The following PIGN variants were observed in gnomAD, a reference collection of about 807,000 sequenced individuals.
The protein encoded by PIGN is GPI ethanolamine phosphate transferase 1.
In PIGN, 117 loss-of-function variants were observed where a neutral mutation model predicts 125.4. The ratio of observed to expected loss-of-function variants is 0.93; its 90% CI spans 0.80 to 1.09. The LOEUF (loss-of-function observed/expected upper bound fraction) is 1.09, where lower values mean the gene tolerates loss of function less well. Among genes scored for constraint, PIGN ranks in the 50% least tolerant of loss-of-function variants. PIGN has a pLI of 0.00. For missense variants in PIGN, 1,075 were observed against 1,094.9 expected (o/e 0.98, Z 0.26); for synonymous variants, 392 against 377.8 (o/e 1.04, Z -0.44).
At chr18:62,103,292 T>C (rs1014957869) in intron 20 of PIGN, among the ~76,000 whole-genome samples, 10 of 152,136 alleles carry the variant, frequency 6.6e-5, no homozygotes, top group Admixed American at 5.2e-4. Context: ...ATTATCAGTA[T>C]CTACAACATG....
intron 22 of PIGN, among the ~76,000 whole-genome samples, chr18:62,097,604 T>G (rs140080938): frequency 0.021 from 3,188 of 152,276 alleles, 57 homozygotes; most frequent in Admixed American, 0.042. Flanking sequence ...TATTTTCTAA[T>G]GAAATAAAAG....
intron 23 of PIGN, among the ~76,000 whole-genome samples, chr18:62,028,023 C>T (rs750037545): frequency 5.3e-5 from 8 of 152,202 alleles, no homozygotes; most frequent in Non-Finnish European, 1.0e-4. Flanking sequence ...CAGTGCATTC[C>T]AATATCACCA....
intron 3 of PIGN, 134 bp from the exon 4 acceptor site, chr18:62,161,519 G>T: frequency 1.9e-6 from 1 of 534,352 alleles, no homozygotes; most frequent in Non-Finnish European, 3.3e-6. Flanking sequence ...ACTTTCATTT[G>T]TGGTGGTAAC....
intron 30 of PIGN, among the ~76,000 whole-genome samples, chr18:62,047,338 C>T (rs888112640): frequency 2.6e-5 from 4 of 152,070 alleles, no homozygotes; most frequent in African/African-American, 4.8e-5. Context: ...GTGGACATCA[C>T]GTGGGGAGCC....
At chr18:62,032,433 G>C (rs947510296) in intron 23 of PIGN, among the ~76,000 whole-genome samples, 1 of 152,184 alleles carries the variant, frequency 6.6e-6, no homozygotes, top group African/African-American at 2.4e-5. Flanking sequence ...TGAATGTCAA[G>C]AATCTGGTGC....
intron 1 of PIGN, among the ~76,000 whole-genome samples, chr18:62,177,113 G>T (rs1944005414): frequency 6.6e-6 from 1 of 152,136 alleles, no homozygotes; most frequent in African/African-American, 2.4e-5. Context: ...GACTATCAGT[G>T]ATTTAATGTT....
At position 62,145,782 on chromosome 18, in the gene PIGN, T is replaced by C. The variant is rs554665772; in HGVS notation, c.922+127A>G. The C allele has an allele frequency of 1.0e-4, 61 of 597,342 alleles. No individual in the cohort carries two copies. In the South Asian group the frequency reaches 1.2e-3, roughly 11 times the overall value. The allele number at this position is 597,342 out of a possible 1,614,324, so 37.0% of individuals were successfully genotyped here. ...ACCCCTTGTAGTGTTTGTATAGAAA[T>C]AGTAATGGCACAAATGTCAAAATGA... On this transcript the variant is annotated intron_variant, in intron 10 of 30. Transcript: ENST00000640252.
chr18:62,050,462 A>C (rs1439664176), intron 30 of PIGN, among the ~76,000 whole-genome samples: 2 of 152,166 alleles, frequency 1.3e-5, no homozygotes, highest in African/African-American at 2.4e-5. Context: ...CTTTGAAGCA[A>C]CTGTGAATGG....
intron 28 of PIGN, among the ~76,000 whole-genome samples, chr18:62,079,090 T>A (rs1317002703): frequency 6.6e-6 from 1 of 152,244 alleles, no homozygotes; most frequent in Non-Finnish European, 1.5e-5. Context: ...CTACCTTTCT[T>A]GCTGTTCTCC....
At chr18:62,150,088 TC>T (rs1410395717) in intron 7 of PIGN, among the ~76,000 whole-genome samples, 1 of 152,154 alleles carries the variant, frequency 6.6e-6, no homozygotes, top group Admixed American at 6.5e-5. Flanking sequence ...TTCAAGCGAT[TC>T]TCTTGCCTCA....
chr18:62,114,369 A>C (rs1448619028), intron 15 of PIGN, among the ~76,000 whole-genome samples, 192 bp downstream of exon 15: 2 of 152,008 alleles, frequency 1.3e-5, no homozygotes, highest in East Asian at 3.9e-4. Context: ...CAAAAAAAAA[A>C]AAAAAAATTT....
At chr18:62,048,869 C>T (rs1263752684) in intron 30 of PIGN, among the ~76,000 whole-genome samples, 2 of 137,078 alleles carry the variant, frequency 1.5e-5, no homozygotes, top group East Asian at 4.3e-4. Flanking sequence ...TACCCCACAA[C>T]AGTCCCCAGA....
intron 14 of PIGN, among the ~76,000 whole-genome samples, chr18:62,122,065 G>A (rs183419344): frequency 1.8e-4 from 28 of 152,254 alleles, no homozygotes; most frequent in Admixed American, 1.6e-3. Context: ...GCAATGAAGA[G>A]AGGTGGATTA....
chr18:62,178,593 A>G (rs1190434234), intron 1 of PIGN, among the ~76,000 whole-genome samples: 1 of 144,838 alleles, frequency 6.9e-6, no homozygotes, highest in Non-Finnish European at 1.6e-5. Context: ...ACATAGCAAG[A>G]CCCACTTAAA....
intron 25 of PIGN, among the ~76,000 whole-genome samples, chr18:62,087,042 T>C (rs2033739287): frequency 6.6e-6 from 1 of 152,182 alleles, no homozygotes; most frequent in Non-Finnish European, 1.5e-5. Context: ...GTTAGACATG[T>C]GGTCCTCGAG....
chr18:62,183,885 T>C (rs900491652), intron 1 of PIGN, among the ~76,000 whole-genome samples: 1 of 152,140 alleles, frequency 6.6e-6, no homozygotes, highest in Admixed American at 6.5e-5. Context: ...AGTAATTTAC[T>C]ATTAATGTAA....
chr18:62,181,779 T>C (rs1045408645), intron 1 of PIGN, among the ~76,000 whole-genome samples: 2 of 152,100 alleles, frequency 1.3e-5, no homozygotes, highest in African/African-American at 4.8e-5. Context: ...CAGGCTGGAG[T>C]GCAGTGGCGC....
At chr18:62,135,383 A>G (rs934723015) in intron 14 of PIGN, among the ~76,000 whole-genome samples, 2 of 152,050 alleles carry the variant, frequency 1.3e-5, no homozygotes, top group African/African-American at 4.8e-5. Flanking sequence ...AGGGCTGGTC[A>G]CTATGCTCTA....
intron 15 of PIGN, among the ~76,000 whole-genome samples, chr18:62,114,001 G>A (rs1054381683): frequency 6.6e-6 from 1 of 152,050 alleles, no homozygotes; most frequent in African/African-American, 2.4e-5. Context: ...ATTAAGAAGG[G>A]TGACACAAAC....
Sources: gnomAD v4.1 joint callset for allele counts (sites outside exome capture counted in the v4.1 genomes callset) on GRCh38, gnomAD v4.1.1 for gene constraint, MANE v1.5 for transcripts, NCBI Gene and HGNC (gene_info 2026-07-23, HGNC 2026-07-21) for gene names.